The following NME7 variants were observed in gnomAD, a reference collection of about 807,000 sequenced individuals.
NME7 encodes the protein nucleoside diphosphate kinase 7.
In NME7, 41 loss-of-function variants were observed where a neutral mutation model predicts 49.1. The ratio of observed to expected loss-of-function variants is 0.83; its 90% CI spans 0.65 to 1.08. The LOEUF is 1.08. Among genes scored for constraint, NME7 ranks in the 50% least tolerant of loss-of-function variants. NME7 has a pLI of 0.00. For missense variants in NME7, 423 were observed against 463.4 expected, an observed-to-expected ratio of 0.91 and a Z score of 0.80; for synonymous variants, 139 against 150.6, an observed-to-expected ratio of 0.92 and a Z score of 0.56.
At position 169,251,231 on chromosome 1, in the gene NME7, T is replaced by G. The variant is rs1648560228; in HGVS notation, c.755-13544A>C. Among the ~76,000 whole-genome samples, 5 of 152,240 alleles carry G rather than the reference T, an allele frequency of 3.3e-5. No homozygotes were observed. The Middle Eastern group carries it at 0.01, about 311-fold the overall frequency. ...ATCCTTTTATCATCATATAATGACCTTCTTTGTCTTTTTTTACTGTTGTTG... is the reference window on the plus strand; with the variant it reads ...ATCCTTTTATCATCATATAATGACCGTCTTTGTCTTTTTTTACTGTTGTTG... On this transcript the variant is annotated intron_variant, in intron 7 of 11. Transcript: ENST00000367811.
intron 11 of NME7, among the ~76,000 whole-genome samples, chr1:169,162,116 C>T (rs1361702660): frequency 6.6e-6 from 1 of 152,162 alleles, no homozygotes; most frequent in East Asian, 1.9e-4. Context: ...GTCAGCAGTA[C>T]ACACTTCCTA....
At chr1:169,258,137 T>G (rs1649030036) in intron 7 of NME7, among the ~76,000 whole-genome samples, 1 of 129,950 alleles carries the variant, frequency 7.7e-6, no homozygotes. Context: ...CAGGAGTTTG[T>G]GGCCAGCCTG....
chr1:169,335,391 A>C (rs531826975), intron 1 of NME7, among the ~76,000 whole-genome samples: 1 of 152,314 alleles, frequency 6.6e-6, no homozygotes, highest in East Asian at 1.9e-4. Context: ...ACAAGGAATG[A>C]GATCATGTCC....
In NME7 at chr1:169,310,068, T is replaced by C. The variant is rs1193941592; in HGVS notation, c.291A>G (p.Leu97=). ...LGSRKEKTLA[L]IKPDAISKAG... is the part of the protein sequence containing the mutation. ...CCTTTGATATTGCATCTGGTTTAAT[T>C]AGGGCTAGCGTTCTATAAGGAAACA... Residue 97 remains leucine, a synonymous_variant, in exon 4 of 12, where the codon CTA becomes CTG. Coordinates refer to ENST00000367811, the MANE Select transcript of NME7 (RefSeq NM_013330.5). The C allele has an allele frequency of 2.5e-6, 4 of 1,600,070 alleles. No homozygotes were observed. The East Asian group carries it at 6.7e-5, about 27-fold the overall frequency.
In NME7 at chr1:169,323,204, T is replaced by C; in HGVS notation, c.191A>G (p.Asn64Ser). The change falls in exon 3 of 12, where the codon AAC becomes AGC. Residue 64 changes from asparagine to serine, a missense_variant. Physicochemically the swap from Asn to Ser is conservative, Grantham distance 46 (BLOSUM62 1). Coordinates refer to ENST00000367811, the MANE Select transcript of NME7 (RefSeq NM_013330.5). The stretch of plus-strand genomic sequence containing the variant: ...TTGTCGAGAAAAGACATTCACTTTG[T>C]TGCCTATAAATAAATCTTCCAAGTG... ...NLHLEDLFIG[N>S]KVNVFSRQLV... 1 of 1,608,486 alleles carries C rather than the reference T, an allele frequency of 6.2e-7. No homozygotes were observed. Among genetic ancestry groups the C allele is most frequent in the Non-Finnish European group, 8.5e-7 (1 of 1,177,558 alleles).
intron 6 of NME7, among the ~76,000 whole-genome samples, chr1:169,290,333 C>G (rs1361362477): frequency 6.6e-6 from 1 of 152,040 alleles, no homozygotes. Context: ...ATCAATGGAA[C>G]AGAACAGAGG....
At chr1:169,326,256 T>A (rs2101941153) in intron 1 of NME7, among the ~76,000 whole-genome samples, 1 of 152,232 alleles carries the variant, frequency 6.6e-6, no homozygotes, top group East Asian at 1.9e-4. Context: ...AGAAAAGAGT[T>A]TTAATACAAA....
chr1:169,250,212 G>T (rs1019145647), intron 7 of NME7, among the ~76,000 whole-genome samples: 4 of 151,876 alleles, frequency 2.6e-5, no homozygotes, highest in African/African-American at 9.7e-5. Context: ...GAGTGTTTAT[G>T]TTTCCTGGAA....
At chr1:169,213,891 AT>A (rs1660902965) in intron 10 of NME7, among the ~76,000 whole-genome samples, 1 of 151,996 alleles carries the variant, frequency 6.6e-6, no homozygotes, top group African/African-American at 2.4e-5. Flanking sequence ...TGTTAAGCTA[AT>A]TTCCAGTTAA....
intron 7 of NME7, among the ~76,000 whole-genome samples, chr1:169,243,020 GT>G (rs762671784): frequency 6.6e-6 from 1 of 151,782 alleles, no homozygotes; most frequent in Non-Finnish European, 1.5e-5. Context: ...ATACCAGCAA[GT>G]TTTTTTTGTA....
chr1:169,175,897 T>C (rs1557974145), intron 10 of NME7, among the ~76,000 whole-genome samples: 1 of 152,080 alleles, frequency 6.6e-6, no homozygotes, highest in Non-Finnish European at 1.5e-5. Context: ...GCAATGAGGG[T>C]AATAAAACTT....
intron 9 of NME7, among the ~76,000 whole-genome samples, chr1:169,231,241 T>C (rs1009264550): frequency 2.6e-5 from 4 of 152,310 alleles, no homozygotes; most frequent in African/African-American, 7.2e-5. Flanking sequence ...TATTCTCCCA[T>C]ATTAAACATC....
At chr1:169,191,316 T>C (rs1024709064) in intron 10 of NME7, among the ~76,000 whole-genome samples, 1 of 152,338 alleles carries the variant, frequency 6.6e-6, no homozygotes, top group Non-Finnish European at 1.5e-5. Flanking sequence ...CATTAAAGCC[T>C]GAGGACTCAG....
At chr1:169,237,596 T>C (rs1158404794) in intron 8 of NME7, 27 bp downstream of exon 8, 1 of 1,554,772 alleles carries the variant, frequency 6.4e-7, no homozygotes, top group Non-Finnish European at 8.8e-7. Flanking sequence ...TCCTCACAAA[T>C]ATTATGGTTC....
chr1:169,280,949 G>T (rs1222195489), intron 7 of NME7, among the ~76,000 whole-genome samples: 1 of 151,992 alleles, frequency 6.6e-6, no homozygotes, highest in Non-Finnish European at 1.5e-5. Flanking sequence ...CTCTTTTTTG[G>T]TTCCATATGA....
chr1:169,282,428 T>C (rs370781334), intron 7 of NME7, among the ~76,000 whole-genome samples: 4 of 152,056 alleles, frequency 2.6e-5, no homozygotes, highest in African/African-American at 7.2e-5. Flanking sequence ...TTTTGAAGGG[T>C]TTTTTGTGTC....
At chr1:169,238,494 C>T (rs12126933) in intron 7 of NME7, among the ~76,000 whole-genome samples, 82 of 150,322 alleles carry the variant, frequency 5.5e-4, no homozygotes, top group Middle Eastern at 6.8e-3. Context: ...CACACACACA[C>T]ACACACACAC....
At position 169,190,947 on chromosome 1, in the gene NME7, G is replaced by GGACT. The variant is rs1660208409; in HGVS notation, c.991-21397_991-21394dup. Among the ~76,000 whole-genome samples, 2 of 112,086 alleles carry GGACT rather than the reference G, an allele frequency of 1.8e-5. 1 individual carries two copies. Among genetic ancestry groups the GGACT allele is most frequent in the African/African-American group, 6.0e-5 (2 of 33,076 alleles). The allele number at this position is 112,086 out of a possible 152,430, so 73.5% of individuals were successfully genotyped here. On this transcript the variant is annotated intron_variant, in intron 10 of 11. Coordinates refer to ENST00000367811, the MANE Select transcript of NME7 (RefSeq NM_013330.5). ...CCTGCCTCAGCCTCCCGAGTAGCTG[G>GGACT]GACTACAGGCGCCCGCCACTACGCC...
In NME7 at chr1:169,171,046, G is replaced by GTCAA. The variant is rs1293401808; in HGVS notation, c.991-1493_991-1492insTTGA. ...ACGTTCTTTTTCTTATTTCCGGTCA[G>GTCAA]GGAAAAAAACACTTTTAAATTACTC... is the stretch of plus-strand genomic sequence containing the variant. On this transcript the variant is annotated intron_variant, in intron 10 of 11. Transcript: ENST00000367811. 3.3e-5 allele frequency among the ~76,000 whole-genome samples: 5 copies of GTCAA among 152,174 alleles called. No homozygotes were observed. In the East Asian group the frequency reaches 7.7e-4, roughly 23 times the overall value.
Sources: gnomAD v4.1 joint callset for allele counts (sites outside exome capture counted in the v4.1 genomes callset) on GRCh38, gnomAD v4.1.1 for gene constraint, MANE v1.5 for transcripts, NCBI Gene and HGNC (gene_info 2026-07-23, HGNC 2026-07-21) for gene names.